Variants in PRELID2 observed in about 807,000 individuals in gnomAD.
PRELID2 encodes the protein PRELI domain-containing protein 2.
In PRELID2, 25 loss-of-function variants were observed where a neutral mutation model predicts 28.4. The observed-to-expected ratio is 0.88, with a 90% confidence interval of 0.64 to 1.23. The LOEUF (loss-of-function observed/expected upper bound fraction) is 1.23, where lower values mean the gene tolerates loss of function less well. PRELID2 is among the 50% of genes most tolerant of loss of function. PRELID2 has a pLI of 0.00. For synonymous variants in PRELID2, 76 were observed against 71.6 expected, an observed-to-expected ratio of 1.06 and a Z score of -0.31; for missense variants, 201 against 214.4, an observed-to-expected ratio of 0.94 and a Z score of 0.39.
the PRELID2 span, among the ~76,000 whole-genome samples, chr5:145,428,826 T>G: frequency 6.6e-6 from 1 of 152,132 alleles, no homozygotes; most frequent in Non-Finnish European, 1.5e-5. Context: ...CATGCAGCTA[T>G]CAGGAGGAAG....
chr5:145,275,961 G>C, the PRELID2 span, among the ~76,000 whole-genome samples: 1 of 152,240 alleles, frequency 6.6e-6, no homozygotes, highest in East Asian at 1.9e-4. Flanking sequence ...TACACACGTA[G>C]ATGTACATAA....
At chr5:145,805,013 G>T (rs1753403292) in intron 4 of PRELID2, among the ~76,000 whole-genome samples, 1 of 152,012 alleles carries the variant, frequency 6.6e-6, no homozygotes, top group South Asian at 2.1e-4. Flanking sequence ...AGATCTTTAG[G>T]TTATTCTGCA....
At chr5:145,625,793 T>G (rs906822724) in intron 1 of PRELID2, among the ~76,000 whole-genome samples, 2 of 152,142 alleles carry the variant, frequency 1.3e-5, no homozygotes, top group African/African-American at 4.8e-5. Flanking sequence ...AAACCATATG[T>G]GGATTACAAT....
intron 1 of PRELID2, among the ~76,000 whole-genome samples, chr5:145,726,499 C>T (rs1310608724): frequency 3.9e-5 from 6 of 151,956 alleles, no homozygotes; most frequent in Non-Finnish European, 8.8e-5. Flanking sequence ...CAATTTAATT[C>T]CTGGAGATGG....
At chr5:145,562,965 A>C in intron 1 of PRELID2, among the ~76,000 whole-genome samples, 1 of 152,246 alleles carries the variant, frequency 6.6e-6, no homozygotes, top group East Asian at 1.9e-4. Context: ...ATTAAAGCCC[A>C]AAAGAGCATT....
chr5:145,557,334 G>A (rs1019649538), intron 1 of PRELID2, among the ~76,000 whole-genome samples: 1 of 152,196 alleles, frequency 6.6e-6, no homozygotes, highest in Non-Finnish European at 1.5e-5. Flanking sequence ...AGAGACAACA[G>A]GGAGCTTGAG....
the PRELID2 span, among the ~76,000 whole-genome samples, chr5:145,302,285 G>C: frequency 6.6e-6 from 1 of 151,588 alleles, no homozygotes; most frequent in African/African-American, 2.4e-5. Flanking sequence ...CCTCAGCTGG[G>C]CACCACCACG....
At chr5:145,479,420 A>T (rs1752136066) in intron 1 of PRELID2, among the ~76,000 whole-genome samples, 1 of 152,110 alleles carries the variant, frequency 6.6e-6, no homozygotes, top group East Asian at 1.9e-4. Flanking sequence ...CCTCCTGTTC[A>T]TCCTGCAGAG....
At chr5:145,491,094 T>A (rs1392325666) in intron 1 of PRELID2, among the ~76,000 whole-genome samples, 6 of 152,144 alleles carry the variant, frequency 3.9e-5, no homozygotes, top group Non-Finnish European at 8.8e-5. Flanking sequence ...AAGACTTAGG[T>A]TAAAATGAAT....
chr5:145,321,677 G>T, the PRELID2 span, among the ~76,000 whole-genome samples: 2 of 152,204 alleles, frequency 1.3e-5, no homozygotes, highest in African/African-American at 4.8e-5. Context: ...AACTCATCAA[G>T]CCATAGCAAT....
At chr5:145,812,182 AC>A (rs1196506605) in intron 4 of PRELID2, among the ~76,000 whole-genome samples, 2 of 152,144 alleles carry the variant, frequency 1.3e-5, no homozygotes. Context: ...TCCCTCCTCT[AC>A]ATAGCTCTTT....
At chr5:145,580,333 G>A (rs1753098167) in intron 1 of PRELID2, among the ~76,000 whole-genome samples, 1 of 152,042 alleles carries the variant, frequency 6.6e-6, no homozygotes, top group Admixed American at 6.6e-5. Flanking sequence ...TATTCAACTG[G>A]TTTATTTAAT....
chr5:145,586,355 C>T (rs1413162283), intron 1 of PRELID2, among the ~76,000 whole-genome samples: 1 of 151,958 alleles, frequency 6.6e-6, no homozygotes, highest in African/African-American at 2.4e-5. Context: ...TCATTAATAA[C>T]ATAAAGGCCA....
intron 1 of PRELID2, among the ~76,000 whole-genome samples, chr5:145,697,753 G>A (rs77575914): frequency 0.017 from 2,581 of 152,254 alleles, 79 homozygotes; most frequent in African/African-American, 0.058. Context: ...TCTTGGGTGT[G>A]GTTGTGTCTC....
the PRELID2 span, among the ~76,000 whole-genome samples, chr5:145,430,102 G>A: frequency 6.6e-6 from 1 of 152,190 alleles, no homozygotes; most frequent in Admixed American, 6.5e-5. Flanking sequence ...ACTAACATGT[G>A]GAGTGGTTTT....
chr5:145,633,734 A>AGCT (rs1753963728), intron 1 of PRELID2, among the ~76,000 whole-genome samples: 1 of 152,174 alleles, frequency 6.6e-6, no homozygotes, highest in Non-Finnish European at 1.5e-5. Context: ...GTTTCTCTGG[A>AGCT]GCTGCTGCTG....
intron 1 of PRELID2, among the ~76,000 whole-genome samples, chr5:145,632,695 G>T (rs1753949118): frequency 6.6e-6 from 1 of 152,182 alleles, no homozygotes; most frequent in African/African-American, 2.4e-5. Flanking sequence ...CCACAGCCTG[G>T]TGTACGCATC....
chr5:145,547,315 A>C (rs1221976090), intron 1 of PRELID2, among the ~76,000 whole-genome samples: 1 of 152,130 alleles, frequency 6.6e-6, no homozygotes, highest in Non-Finnish European at 1.5e-5. Context: ...TCTGAATGTA[A>C]AATAACCAGG....
At chr5:145,737,417 T>C (rs560123818) in intron 1 of PRELID2, among the ~76,000 whole-genome samples, 5 of 67,998 alleles carry the variant, frequency 7.4e-5, no homozygotes, top group African/African-American at 1.6e-4. Flanking sequence ...TCCCTGGATG[T>C]TATTTATTTA....
Sources: gnomAD v4.1 joint callset for allele counts (sites outside exome capture counted in the v4.1 genomes callset) on GRCh38, gnomAD v4.1.1 for gene constraint, MANE v1.5 for transcripts, NCBI Gene and HGNC (gene_info 2026-07-23, HGNC 2026-07-21) for gene names.